HAUS8: variants seen among roughly 807,000 people sequenced by gnomAD.
The protein encoded by HAUS8 is HAUS augmin like complex subunit 8.
Under a neutral mutation model 42.9 loss-of-function variants are expected in HAUS8, and 38 were observed. The observed-to-expected ratio is 0.89, with a 90% CI of 0.68 to 1.16. The LOEUF (loss-of-function observed/expected upper bound fraction) is 1.16. Among genes scored for constraint, HAUS8 ranks in the 50% most tolerant of loss-of-function variants. HAUS8 has a pLI of 0.00. For synonymous variants in HAUS8, 199 were observed against 205.8 expected, an observed-to-expected ratio of 0.97 and a Z score of 0.28; for missense variants, 494 against 511.6, an observed-to-expected ratio of 0.97 and a Z score of 0.33.
At chr19:17,068,288 AT>A (rs1307588133) in intron 3 of HAUS8, among the ~76,000 whole-genome samples, 5 of 151,272 alleles carry the variant, frequency 3.3e-5, no homozygotes, top group African/African-American at 1.2e-4. Flanking sequence ...TAATTTTTGT[AT>A]TTTTAGTTGA....
In HAUS8 at chr19:17,052,907, C is replaced by T. The variant is rs929978620; in HGVS notation, c.847G>A (p.Asp283Asn). The change falls in exon 10 of 11, where the codon GAT (aspartate) becomes AAT (asparagine). Residue 283 changes from aspartate to asparagine, a missense_variant. Asp to Asn is a conservative substitution (Grantham distance 23). Transcript: ENST00000253669. ...QRLLGELDVG[D>N]SEENVQVLDL... ...AGCACCTGCACATTTTCTTCCGAAT[C>T]ACCAACATCAAGTTCTCCCAGGAGG... 1.9e-6 allele frequency: 3 copies of T among 1,614,076 alleles called. No homozygotes were observed. Among genetic ancestry groups the T allele is most frequent in the Non-Finnish European group, 2.5e-6 (3 of 1,180,044 alleles).
chr19:17,061,658 C>A (rs1445217507), intron 4 of HAUS8, among the ~76,000 whole-genome samples: 1 of 152,162 alleles, frequency 6.6e-6, no homozygotes, highest in Admixed American at 6.5e-5. Context: ...GTGGGGGTGT[C>A]CTGTGCATTC....
At chr19:17,068,379 A>G (rs550775214) in intron 3 of HAUS8, among the ~76,000 whole-genome samples, 16 of 152,002 alleles carry the variant, frequency 1.1e-4, no homozygotes, top group Non-Finnish European at 2.2e-4. Context: ...CTCCCAAAGT[A>G]GCTGTTTTTA....
At chr19:17,060,469 T>C (rs933454204) in intron 4 of HAUS8, among the ~76,000 whole-genome samples, 2 of 152,174 alleles carry the variant, frequency 1.3e-5, no homozygotes, top group African/African-American at 4.8e-5. Flanking sequence ...GTGACAATGG[T>C]GCAATCTCGG....
chr19:17,065,300 G>A (rs567450518), intron 3 of HAUS8, among the ~76,000 whole-genome samples: 32 of 152,270 alleles, frequency 2.1e-4, no homozygotes, highest in African/African-American at 7.5e-4. Flanking sequence ...TACAACTCAT[G>A]GCTTGTAACT....
intron 10 of HAUS8, 114 bp downstream of exon 10, chr19:17,052,711 G>T (rs970763875): frequency 1.9e-5 from 21 of 1,097,380 alleles, no homozygotes; most frequent in Non-Finnish European, 2.6e-5. Context: ...TCGCTCAGGG[G>T]ACTGAACCTC....
chr19:17,051,608 G>A (rs920154876), intron 10 of HAUS8: 1 of 151,420 alleles, frequency 6.6e-6, no homozygotes, highest in Non-Finnish European at 1.5e-5. Context: ...CTCTGAGGAT[G>A]TGAATGATAG....
In HAUS8 at chr19:17,072,516, T is replaced by C. The variant is rs2057433423; in HGVS notation, c.91+758A>G. ...TACCACCATGGCCGGCTAATTTTTG[T>C]ATTTTTAGTAGAACGAGGTTTCACC... On this transcript the variant is annotated intron_variant, in intron 2 of 10. Transcript: ENST00000253669. 1.3e-5 allele frequency among the ~76,000 whole-genome samples: 2 copies of C among 152,018 alleles called. 1 individual carries two copies. Among genetic ancestry groups the C allele is most frequent in the South Asian group, 4.1e-4 (2 of 4,820 alleles).
intron 3 of HAUS8, among the ~76,000 whole-genome samples, chr19:17,067,216 A>AAT (rs904971351): frequency 9.9e-5 from 15 of 151,682 alleles, no homozygotes; most frequent in African/African-American, 3.4e-4. Context: ...AAAAAAAAAA[A>AAT]AAAAGGAAGG....
At chr19:17,058,899 C>T in intron 6 of HAUS8, 23 bp from the exon 7 acceptor site, 2 of 1,590,258 alleles carry the variant, frequency 1.3e-6, no homozygotes, top group African/African-American at 2.7e-5. Context: ...AAAAGACCCT[C>T]TCAATTCCTG....
chr19:17,074,578 G>C (rs1309521787), intron 1 of HAUS8: 1 of 152,266 alleles, frequency 6.6e-6, no homozygotes, highest in Non-Finnish European at 1.5e-5. Context: ...ACTCCCTCTG[G>C]GGACTGTGCT....
At chr19:17,057,042 G>A (rs2057331106) in intron 8 of HAUS8, among the ~76,000 whole-genome samples, 1 of 152,114 alleles carries the variant, frequency 6.6e-6, no homozygotes, top group Non-Finnish European at 1.5e-5. Context: ...ACCACACTTG[G>A]CTAATTTTTA....
intron 4 of HAUS8, among the ~76,000 whole-genome samples, chr19:17,062,384 C>T (rs2057366081): frequency 6.6e-6 from 1 of 152,190 alleles, no homozygotes; most frequent in Non-Finnish European, 1.5e-5. Flanking sequence ...TCCTCACAGC[C>T]TCTCTAAGAG....
chr19:17,060,225 TAAA>T (rs35562523), intron 4 of HAUS8, 133 bp from the exon 5 acceptor site: 73,041 of 276,590 alleles, frequency 0.26, 5,516 homozygotes, highest in African/African-American at 0.34. Context: ...GTGGAAAGGC[TAAA>T]AAAAAAAAAA....
At chr19:17,066,920 C>T (rs939777894) in intron 3 of HAUS8, among the ~76,000 whole-genome samples, 1 of 152,118 alleles carries the variant, frequency 6.6e-6, no homozygotes, top group Non-Finnish European at 1.5e-5. Flanking sequence ...TAAGAAGGAA[C>T]CAGGCCGGGC....
At chr19:17,058,789 G>A (rs373817987) in intron 7 of HAUS8, 22 bp downstream of exon 7, 129 of 1,610,998 alleles carry the variant, frequency 8.0e-5, no homozygotes, top group Non-Finnish European at 9.8e-5. Context: ...CATGGCATAC[G>A]TGAACAAGAA....
chr19:17,060,020 T>G lies in HAUS8; in HGVS notation c.302A>C (p.Asp101Ala). Residue 101 changes from aspartate (D) to alanine (A), a missense_variant, in exon 5 of 11, where the codon GAC (aspartate) becomes GCC (alanine). By Grantham distance (126) the Asp-to-Ala change is moderately radical. Coordinates refer to ENST00000253669, the MANE Select transcript of HAUS8 (RefSeq NM_033417.2). ...LLEGHGTAPP[D>A]LDLSAINDKS... The stretch of plus-strand genomic sequence containing the variant: ...ACCATTAATAGCAGAGAGATCCAGG[T>G]CAGGTGGAGCTGTGCCATGCCCTTC... The G allele has an allele frequency of 6.2e-7, 1 of 1,612,682 alleles. No individual in the cohort carries two copies. The highest frequency in any genetic ancestry group is 1.1e-5 in the South Asian group (1 of 91,042).
chr19:17,068,973 C>T (rs1212547933), intron 3 of HAUS8, 58 bp downstream of exon 3: 2 of 1,515,138 alleles, frequency 1.3e-6, no homozygotes, highest in African/African-American at 2.7e-5. Flanking sequence ...TTTCGGAATT[C>T]CAGTTGCTCA....
chr19:17,061,119 G>A (rs752781843), intron 4 of HAUS8, among the ~76,000 whole-genome samples: 7 of 129,386 alleles, frequency 5.4e-5, no homozygotes, highest in Non-Finnish European at 9.5e-5. Context: ...CTGGGGTGAG[G>A]AGGTGGAAAT....
Sources: allele counts gnomAD v4.1 joint callset (sites outside exome capture counted in the v4.1 genomes callset), GRCh38; gene constraint gnomAD v4.1.1; transcripts MANE v1.5; gene names NCBI Gene and HGNC (gene_info 2026-07-23, HGNC 2026-07-21).